Variants in MYO3B observed in about 807,000 individuals in gnomAD.
The protein encoded by MYO3B is myosin IIIB.
In MYO3B, 156 loss-of-function variants were observed where a neutral mutation model predicts 174.6. The ratio of observed to expected loss-of-function variants is 0.89; its 90% CI spans 0.78 to 1.02. MYO3B has a LOEUF of 1.02. Ranked by LOEUF, MYO3B falls within the 50% of genes least tolerant of loss-of-function variation. MYO3B has a pLI of 0.00. For synonymous variants in MYO3B, 563 were observed against 569.1 expected (o/e 0.99, Z 0.15); for missense variants, 1,632 against 1,639.4 (o/e 1.00, Z 0.08).
intron 22 of MYO3B, among the ~76,000 whole-genome samples, chr2:170,408,814 A>T (rs763557387): frequency 2.6e-5 from 4 of 151,880 alleles, no homozygotes; most frequent in Non-Finnish European, 4.4e-5. Context: ...CTTGGAAGGA[A>T]AGTTGAAATC....
rs2094504358 is a variant in MYO3B at position 170,405,586 on chromosome 2, C to A, written c.2473C>A (p.Pro825Thr). The change falls in exon 21 of 35, where the codon CCC becomes ACC. Residue 825 changes from proline to threonine, a missense_variant. Physicochemically the swap from Pro to Thr is conservative, Grantham distance 38. Transcript: ENST00000408978. ...TCTACGATGCAAATACTTCTGGAGG[C>A]CCAAAGGAGTGGAACTGTGCTTTGG... is the stretch of plus-strand genomic sequence containing the variant. ...DNLRCKYFWR[P>T]KGVELCFGIQ... 7 of 1,614,034 alleles carry A rather than the reference C, an allele frequency of 4.3e-6. No individual in the cohort carries two copies. Among genetic ancestry groups the A allele is most frequent in the Admixed American group, 3.3e-5 (2 of 60,004 alleles).
At chr2:170,194,364 G>T (rs1242940662) in intron 1 of MYO3B, among the ~76,000 whole-genome samples, 1 of 152,024 alleles carries the variant, frequency 6.6e-6, no homozygotes, top group Non-Finnish European at 1.5e-5. Flanking sequence ...ATTTAGCCAG[G>T]TGTGGTAGTG....
intron 1 of MYO3B, among the ~76,000 whole-genome samples, chr2:170,195,016 C>T (rs1296303470): frequency 6.6e-6 from 1 of 151,970 alleles, no homozygotes; most frequent in Non-Finnish European, 1.5e-5. Flanking sequence ...CTTGCTTTAT[C>T]CTAGCCGCTC....
At position 170,499,699 on chromosome 2, in the gene MYO3B, C is replaced by T; in HGVS notation, c.3180C>T (p.Val1060=). ...VEQLNLLLRE[V]IGRVVVLQAY... ...AATTAAATTTGCTGCTTCGAGAAGT[C>T]ATAGGCAGAGTGGTTGTGCTGCAGG... The change falls in exon 27 of 35, where the codon GTC becomes GTT. Residue 1060 remains valine (V), a synonymous_variant. Transcript: ENST00000408978. 1 of 1,614,064 alleles carries T rather than the reference C, an allele frequency of 6.2e-7. No individual in the cohort carries two copies. Among genetic ancestry groups the T allele is most frequent in the Non-Finnish European group, 8.5e-7 (1 of 1,179,998 alleles).
intron 29 of MYO3B, among the ~76,000 whole-genome samples, chr2:170,518,405 G>A (rs1398383086): frequency 1.3e-5 from 2 of 152,158 alleles, no homozygotes; most frequent in African/African-American, 4.8e-5. Context: ...TGGCAAATAG[G>A]TGTGCAGTCT....
At chr2:170,491,654 T>C (rs1270978488) in intron 25 of MYO3B, among the ~76,000 whole-genome samples, 1 of 152,248 alleles carries the variant, frequency 6.6e-6, no homozygotes, top group Non-Finnish European at 1.5e-5. Flanking sequence ...CTCAATCTCC[T>C]GACCTCGTGA....
rs1028859766 is a variant in MYO3B at position 170,418,881 on chromosome 2, C to A, written c.2650+11037C>A. Among the ~76,000 whole-genome samples, 6 of 152,152 alleles carry A rather than the reference C, an allele frequency of 3.9e-5. No individual in the cohort carries two copies. In the East Asian group the frequency reaches 5.8e-4, roughly 15 times the overall value. The stretch of plus-strand genomic sequence containing the variant: ...CTTGCTTAGCTAGCAAAATATATAA[C>A]CTTTCCCTTTGTAGGGGAAAAGGTA... On this transcript the variant is annotated intron_variant, in intron 22 of 34. Transcript: ENST00000408978.
rs756328152 is a variant in MYO3B at position 170,407,820 on chromosome 2, T to C, written c.2626T>C (p.Phe876Leu). ...AGAAAACAAGCTTCTTCAGCAGCTC[T>C]TCTCAATCCCTCTGACCAAAACAGG... ...TSENKLLQQLFSIPLTKTGNL... is the reference protein window; with the variant it reads ...TSENKLLQQLLSIPLTKTGNL... Residue 876 changes from phenylalanine to leucine, a missense_variant, in exon 22 of 35, where the codon TTC (phenylalanine) becomes CTC (leucine). Phe to Leu is a conservative substitution (Grantham distance 22, BLOSUM62 0). Transcript: ENST00000408978. The C allele has an allele frequency of 3.1e-6, 5 of 1,614,088 alleles. No individual in the cohort carries two copies. The highest frequency in any genetic ancestry group is 4.2e-6 in the Non-Finnish European group (5 of 1,179,930).
chr2:170,243,505 A>G (rs1298062386), intron 7 of MYO3B, among the ~76,000 whole-genome samples: 1 of 152,178 alleles, frequency 6.6e-6, no homozygotes, highest in Non-Finnish European at 1.5e-5. Context: ...TTTCAAGTTC[A>G]CCAGTGTGAA....
intron 22 of MYO3B, among the ~76,000 whole-genome samples, chr2:170,414,163 C>T (rs2094563571): frequency 6.6e-6 from 1 of 152,174 alleles, no homozygotes; most frequent in South Asian, 2.1e-4. Flanking sequence ...TCCCTCTTCA[C>T]CAATACCACA....
intron 9 of MYO3B, among the ~76,000 whole-genome samples, chr2:170,377,537 G>A (rs1249665604): frequency 6.6e-6 from 1 of 152,092 alleles, no homozygotes; most frequent in Non-Finnish European, 1.5e-5. Context: ...ATGGATTCAG[G>A]CACCAGTTTC....
intron 16 of MYO3B, among the ~76,000 whole-genome samples, chr2:170,398,673 A>G (rs184123242): frequency 1.3e-5 from 2 of 152,240 alleles, no homozygotes. Flanking sequence ...TAGCATTCCT[A>G]TCACTCACTT....
chr2:170,272,630 T>G (rs1285679130), intron 7 of MYO3B, among the ~76,000 whole-genome samples: 1 of 152,110 alleles, frequency 6.6e-6, no homozygotes, highest in Non-Finnish European at 1.5e-5. Flanking sequence ...CCAAAAACCA[T>G]GTGTTGAGAA....
rs200288720 is a variant in MYO3B, at chr2:170,236,030, G to A, written c.643G>A (p.Ala215Thr). ...GCAGCAGTATGACTCTTCCTATGAC[G>A]CTCGCTGTGACGTCTGGTCCTTGGG... ...CEQQYDSSYD[A>T]RCDVWSLGIT... Residue 215 changes from alanine to threonine, a missense_variant, in exon 7 of 35, where the codon GCT (alanine) becomes ACT (threonine). Coordinates refer to ENST00000408978, the MANE Select transcript of MYO3B (RefSeq NM_138995.5). 44 of 1,613,818 alleles carry A rather than the reference G, an allele frequency of 2.7e-5. No individual in the cohort carries two copies. Among genetic ancestry groups the A allele is most frequent in the African/African-American group, 5.3e-5 (4 of 74,870 alleles).
rs181143542 is a variant in MYO3B, at chr2:170,572,441, C to A, written c.3733+28453C>A. On this transcript the variant is annotated intron_variant, in intron 32 of 34. Transcript: ENST00000408978. Reference sequence around the variant, plus strand: ...AGACTCTGTCTCAAAAAAAAAAAAACCCATCTCTACAAAAAATACAAAAAT... The same window carrying A: ...AGACTCTGTCTCAAAAAAAAAAAAAACCATCTCTACAAAAAATACAAAAAT... Among the ~76,000 whole-genome samples, 1,116 of 145,524 alleles carry A rather than the reference C, an allele frequency of 7.7e-3. 11 individuals carry two copies. The highest frequency in any genetic ancestry group is 0.027 in the African/African-American group (1,061 of 39,982).
At chr2:170,213,543 G>A (rs757723548) in intron 3 of MYO3B, among the ~76,000 whole-genome samples, 2 of 152,146 alleles carry the variant, frequency 1.3e-5, no homozygotes, top group Non-Finnish European at 2.9e-5. Context: ...GCCTGGTTTC[G>A]GGTCTGGTTC....
chr2:170,540,805 G>A (rs1690050336), intron 30 of MYO3B, among the ~76,000 whole-genome samples: 1 of 152,118 alleles, frequency 6.6e-6, no homozygotes, highest in Non-Finnish European at 1.5e-5. Flanking sequence ...CCTCAACATG[G>A]TACAGAGGAG....
At chr2:170,362,975 C>T (rs2094172674) in intron 8 of MYO3B, among the ~76,000 whole-genome samples, 1 of 152,094 alleles carries the variant, frequency 6.6e-6, no homozygotes, top group Admixed American at 6.6e-5. Flanking sequence ...GATATTTAAC[C>T]TATAATTAGT....
chr2:170,529,507 A>G (rs1355197140), intron 30 of MYO3B, among the ~76,000 whole-genome samples: 1 of 150,774 alleles, frequency 6.6e-6, no homozygotes, highest in Non-Finnish European at 1.5e-5. Flanking sequence ...CTACGTCTCT[A>G]AAGTTCTGGT....
Sources: gnomAD v4.1 joint callset for allele counts (sites outside exome capture counted in the v4.1 genomes callset) on GRCh38, gnomAD v4.1.1 for gene constraint, MANE v1.5 for transcripts, NCBI Gene and HGNC (gene_info 2026-07-23, HGNC 2026-07-21) for gene names.